Variants in TRIO observed in about 807,000 individuals in gnomAD.
TRIO encodes triple functional domain protein.
Under a neutral mutation model 351.9 loss-of-function variants are expected in TRIO, and 58 were observed. The observed-to-expected ratio is 0.16, with a 90% CI of 0.13 to 0.21. The LOEUF is 0.21. Ranked by LOEUF, TRIO falls within the 10% of genes least tolerant of loss-of-function variation. The pLI is 1.00. For synonymous variants in TRIO, 1,758 were observed against 1,595.7 expected (o/e 1.10, Z -2.42); for missense variants, 3,201 against 4,027.8 (o/e 0.79, Z 5.56).
intron 6 of TRIO, among the ~76,000 whole-genome samples, chr5:14,293,939 C>A (rs1737122869): frequency 6.6e-6 from 1 of 151,870 alleles, no homozygotes; most frequent in Non-Finnish European, 1.5e-5. Flanking sequence ...CACTCTTAAA[C>A]CTTGTAACGT....
chr5:14,161,335 C>G (rs1788442921), intron 1 of TRIO, among the ~76,000 whole-genome samples: 1 of 152,194 alleles, frequency 6.6e-6, no homozygotes, highest in Admixed American at 6.5e-5. Context: ...TTTGTGTTTG[C>G]TGTTCCCTCT....
rs1561202207 is a variant in TRIO at position 14,207,361 on chromosome 5, C to CACAG, written c.158-63463_158-63462insCAGA. Among the ~76,000 whole-genome samples the CACAG allele has an allele frequency of 2.3e-3, 23 of 10,100 alleles. 5 individuals are homozygous for CACAG. The highest frequency in any genetic ancestry group is 6.1e-3 in the African/African-American group (21 of 3,430). 6.6% of individuals were successfully genotyped at this position (10,100 alleles called of 152,430 possible). A position where few individuals can be genotyped will look rare whatever the true frequency, so the allele number is the denominator to read the frequency against. ...ACACACACACACACACACACACACA[C>CACAG]AGAGCCAGGTAGCATAGCAAGACTG... On this transcript the variant is annotated intron_variant, in intron 1 of 56. Coordinates refer to ENST00000344204, the MANE Select transcript of TRIO (RefSeq NM_007118.4).
chr5:14,415,655 A>G (rs1452804684), intron 33 of TRIO, among the ~76,000 whole-genome samples: 4 of 152,196 alleles, frequency 2.6e-5, no homozygotes, highest in Non-Finnish European at 5.9e-5. Flanking sequence ...ACCAGAGATG[A>G]GTATTTCATT....
intron 11 of TRIO, among the ~76,000 whole-genome samples, chr5:14,341,360 A>G (rs893533600): frequency 1.3e-5 from 2 of 152,208 alleles, no homozygotes; most frequent in African/African-American, 2.4e-5. Flanking sequence ...TGAATGACCA[A>G]AAGAACATGC....
chr5:14,200,707 G>A (rs1791056889), intron 1 of TRIO, among the ~76,000 whole-genome samples: 1 of 152,120 alleles, frequency 6.6e-6, no homozygotes, highest in Non-Finnish European at 1.5e-5. Context: ...AGTCATTGAT[G>A]TTGTTTTGGT....
At chr5:14,147,456 G>T (rs777676897) in intron 1 of TRIO, among the ~76,000 whole-genome samples, 20 of 152,180 alleles carry the variant, frequency 1.3e-4, no homozygotes, top group Non-Finnish European at 2.4e-4. Context: ...GTGAGAGCGT[G>T]TGTGTGTGGT....
intron 1 of TRIO, among the ~76,000 whole-genome samples, chr5:14,229,612 A>G (rs1437550407): frequency 6.6e-6 from 1 of 152,206 alleles, no homozygotes; most frequent in Non-Finnish European, 1.5e-5. Flanking sequence ...CATTAGGAAG[A>G]CAACGTTCAA....
At position 14,462,932 on chromosome 5, in the gene TRIO, G is replaced by A. The variant is rs201614379; in HGVS notation, c.5667+7G>A. 45 of 1,577,358 alleles carry A rather than the reference G, an allele frequency of 2.9e-5. No homozygotes were observed. Among genetic ancestry groups the A allele is most frequent in the Non-Finnish European group, 3.9e-5 (45 of 1,163,172 alleles). On this transcript the variant is annotated splice_region_variant and intron_variant, in intron 36 of 56. Coordinates refer to ENST00000344204, the MANE Select transcript of TRIO (RefSeq NM_007118.4). ...AGACTCACAGGATGACAAGGTAAAGGGGGATGAGGGCTGGGGAATCCATGC... is the reference window on the plus strand; with the variant it reads ...AGACTCACAGGATGACAAGGTAAAGAGGGATGAGGGCTGGGGAATCCATGC...
intron 1 of TRIO, among the ~76,000 whole-genome samples, chr5:14,206,506 C>T (rs1310263594): frequency 5.9e-5 from 9 of 152,214 alleles, no homozygotes; most frequent in Admixed American, 3.3e-4. Flanking sequence ...TTCTTATCCT[C>T]GAAAGTTTAA....
In TRIO at chr5:14,497,539, C is replaced by G. The variant is rs1181907327; in HGVS notation, c.8020-308C>G. Among the ~76,000 whole-genome samples the G allele has an allele frequency of 6.6e-6, 1 of 152,180 alleles. No homozygotes were observed. Among genetic ancestry groups the G allele is most frequent in the Non-Finnish European group, 1.5e-5 (1 of 68,044 alleles). ...TATCTCCTGAAAGGGACTCTGAGCG[C>G]CAGGGGCCAGGGCGTTGGCGGCTCT... is the stretch of plus-strand genomic sequence containing the variant. On this transcript the variant is annotated intron_variant, in intron 50 of 56. Coordinates refer to ENST00000344204, the MANE Select transcript of TRIO (RefSeq NM_007118.4). The surrounding 1 kb of genome is among the most constrained non-coding windows in gnomAD (Gnocchi z 4.4).
At chr5:14,290,023 A>G (rs1581539131) in intron 4 of TRIO, among the ~76,000 whole-genome samples, 1 of 152,186 alleles carries the variant, frequency 6.6e-6, no homozygotes, top group African/African-American at 2.4e-5. Context: ...AGCTCTGTCA[A>G]ATGAGCCTCT....
At chr5:14,282,575 A>T (rs1036406731) in intron 3 of TRIO, among the ~76,000 whole-genome samples, 25 of 152,150 alleles carry the variant, frequency 1.6e-4, no homozygotes, top group African/African-American at 5.5e-4. Context: ...TAAAAAAAAA[A>T]CCTTTTTTTT....
chr5:14,432,280 AT>A (rs34934371), intron 34 of TRIO, among the ~76,000 whole-genome samples: 42,759 of 152,166 alleles, frequency 0.28, 6,754 homozygotes, highest in Middle Eastern at 0.47. Flanking sequence ...GTAAAGTGAG[AT>A]TTTCAAAGCA....
intron 1 of TRIO, among the ~76,000 whole-genome samples, chr5:14,204,287 A>T (rs1452731952): frequency 6.6e-6 from 1 of 152,112 alleles, no homozygotes; most frequent in Non-Finnish European, 1.5e-5. Flanking sequence ...AGAGGAGTGG[A>T]GGGTGCCCGG....
Position 14,374,455 on chromosome 5 carries a change from C to T in TRIO, c.3331+112C>T, listed in dbSNP as rs933069413. 11 of 645,588 alleles carry T rather than the reference C, an allele frequency of 1.7e-5. 1 individual carries two copies. Among genetic ancestry groups the T allele is most frequent in the South Asian group, 2.4e-5 (1 of 42,180 alleles). 40.0% of individuals were successfully genotyped at this position (645,588 alleles called of 1,614,324 possible). ...CAACTTCAGTTTCATTTTAAATGTCCGTTTCATGTTAATGAAGTCCTTACT... is the reference window on the plus strand; with the variant it reads ...CAACTTCAGTTTCATTTTAAATGTCTGTTTCATGTTAATGAAGTCCTTACT... On this transcript the variant is annotated intron_variant, in intron 19 of 56. Coordinates refer to ENST00000344204, the MANE Select transcript of TRIO (RefSeq NM_007118.4).
At chr5:14,210,361 C>T (rs1323452995) in intron 1 of TRIO, among the ~76,000 whole-genome samples, 1 of 152,190 alleles carries the variant, frequency 6.6e-6, no homozygotes, top group Non-Finnish European at 1.5e-5. Context: ...GTAGGGGTGT[C>T]CAGCTTTCCC....
At chr5:14,293,206 G>T in intron 6 of TRIO, 72 bp downstream of exon 6, 1 of 1,603,064 alleles carries the variant, frequency 6.2e-7, no homozygotes, top group Admixed American at 1.7e-5. Flanking sequence ...TTGGCAAATT[G>T]TATGCTAGGG....
chr5:14,288,345 A>C (rs55753024), intron 4 of TRIO, among the ~76,000 whole-genome samples: 11,582 of 152,060 alleles, frequency 0.076, 1,497 homozygotes, highest in African/African-American at 0.27. Flanking sequence ...CTCTCTCCCC[A>C]CCCAGTGATT....
intron 21 of TRIO, among the ~76,000 whole-genome samples, chr5:14,382,990 A>G (rs1746245532): frequency 6.6e-6 from 1 of 152,008 alleles, no homozygotes; most frequent in South Asian, 2.1e-4. Flanking sequence ...TTGCTCTGTT[A>G]CCCAGGCTGG....
Sources: allele counts gnomAD v4.1 joint callset (sites outside exome capture counted in the v4.1 genomes callset), GRCh38; gene constraint gnomAD v4.1.1; non-coding constraint Gnocchi (gnomAD v3.1); transcripts MANE v1.5; gene names NCBI Gene and HGNC (gene_info 2026-07-23, HGNC 2026-07-21).